Variants in LUC7L observed in about 807,000 individuals in gnomAD.
LUC7L encodes LUC7 like.
A neutral mutation model predicts 51.1 loss-of-function variants in LUC7L; 29 were observed. The observed-to-expected ratio is 0.57, with a 90% CI of 0.42 to 0.77. The LOEUF is 0.77. Among genes scored for constraint, LUC7L ranks in the 30% least tolerant of loss-of-function variants. The pLI is 0.00. For synonymous variants in LUC7L, 181 were observed against 180.7 expected, an observed-to-expected ratio of 1.00 and a Z score of -0.01; for missense variants, 403 against 511.9, an observed-to-expected ratio of 0.79 and a Z score of 2.05.
At chr16:200,287 G>A (rs890144779) in intron 5 of LUC7L, among the ~76,000 whole-genome samples, 3 of 152,104 alleles carry the variant, frequency 2.0e-5, no homozygotes, top group African/African-American at 7.2e-5. Flanking sequence ...AGCTGGGCGT[G>A]GTGGCGGGCG....
chr16:200,254 C>T (rs1567177184), intron 5 of LUC7L, among the ~76,000 whole-genome samples: 1 of 151,818 alleles, frequency 6.6e-6, no homozygotes, highest in Admixed American at 6.6e-5. Flanking sequence ...AACCCCGTCT[C>T]TACTAAAAAA....
rs544847819 is a variant in LUC7L, at chr16:227,159, C to T, written c.156+83G>A. On this transcript the variant is annotated intron_variant, in intron 2 of 9. Transcript: ENST00000293872. ...AGAGAAAAAGAGACTTAAGTTAAAA[C>T]AAAATTCAACATAGAAAAACCGTCA... The T allele has an allele frequency of 8.2e-5, 95 of 1,162,568 alleles. No individual in the cohort carries two copies. The African/African-American group carries it at 1.4e-3, about 17-fold the overall frequency. The allele number at this position is 1,162,568 out of a possible 1,614,324, so 72.0% of individuals were successfully genotyped here.
chr16:223,937 C>G (rs188580257), intron 2 of LUC7L, among the ~76,000 whole-genome samples: 12 of 152,008 alleles, frequency 7.9e-5, no homozygotes, highest in African/African-American at 1.9e-4. Flanking sequence ...CTCCTCCTCC[C>G]GAAGTGCTGG....
chr16:227,635 C>G, intron 1 of LUC7L: 4 of 1,176,862 alleles, frequency 3.4e-6, no homozygotes, highest in Non-Finnish European at 3.2e-6. Flanking sequence ...TCCACATATA[C>G]ATGTGGCAAT....
intron 5 of LUC7L, among the ~76,000 whole-genome samples, chr16:200,089 G>C (rs1312427269): frequency 6.6e-6 from 1 of 151,840 alleles, no homozygotes; most frequent in Non-Finnish European, 1.5e-5. Flanking sequence ...AGGAGTTCAA[G>C]ACGAGCCTGG....
intron 3 of LUC7L, among the ~76,000 whole-genome samples, chr16:210,834 G>A (rs1300985107): frequency 2.7e-5 from 4 of 150,804 alleles, no homozygotes; most frequent in Admixed American, 6.6e-5. Flanking sequence ...GGCGGATCAC[G>A]GGGTCAGGAG....
chr16:204,289 A>G (rs546271473), intron 5 of LUC7L, among the ~76,000 whole-genome samples: 2,513 of 137,498 alleles, frequency 0.018, 35 homozygotes, highest in Middle Eastern at 0.039. Context: ...ACTAGAAATG[A>G]AAAAAAAAAA....
rs1301165029 is a variant in LUC7L at position 196,939 on chromosome 16, G to A, written c.687+2123C>T. Among the ~76,000 whole-genome samples the A allele has an allele frequency of 1.4e-4, 17 of 122,164 alleles. No individual in the cohort carries two copies. The East Asian group carries it at 4.1e-3, about 29-fold the overall frequency. The allele number at this position is 122,164 out of a possible 152,430, so 80.1% of individuals were successfully genotyped here. A position where few individuals can be genotyped will look rare whatever the true frequency, so the allele number is the denominator to read the frequency against. ...TTTTTTTTTTTTGAGACAGAGTCTCGCTCTGTCGCCCAGGCTGGAGTGCAG... is the reference window on the plus strand; with the variant it reads ...TTTTTTTTTTTTGAGACAGAGTCTCACTCTGTCGCCCAGGCTGGAGTGCAG... On this transcript the variant is annotated intron_variant, in intron 6 of 9. Transcript: ENST00000293872.
chr16:222,574 G>A (rs2050003108), intron 2 of LUC7L, among the ~76,000 whole-genome samples: 1 of 151,982 alleles, frequency 6.6e-6, no homozygotes, highest in South Asian at 2.1e-4. Flanking sequence ...GGAGGTCAAG[G>A]CTTCAAGTGA....
intron 9 of LUC7L, chr16:189,701 G>C: frequency 7.4e-7 from 1 of 1,354,382 alleles, no homozygotes; most frequent in Non-Finnish European, 9.5e-7. Context: ...ACAAGTCTCA[G>C]CCACTCTGAG....
chr16:190,262 T>A, intron 8 of LUC7L, 127 bp from the exon 9 acceptor site: 1 of 894,936 alleles, frequency 1.1e-6, no homozygotes, highest in Non-Finnish European at 1.7e-6. Flanking sequence ...AATTTAGGTT[T>A]AAAATATTTC....
intron 6 of LUC7L, among the ~76,000 whole-genome samples, chr16:193,574 G>A (rs1405725846): frequency 6.6e-6 from 1 of 152,028 alleles, no homozygotes; most frequent in African/African-American, 2.4e-5. Context: ...TTTGCTCACT[G>A]AAGCCTCTGC....
intron 2 of LUC7L, among the ~76,000 whole-genome samples, chr16:224,168 A>G (rs2050057020): frequency 6.6e-6 from 1 of 152,224 alleles, no homozygotes; most frequent in Non-Finnish European, 1.5e-5. Flanking sequence ...CAAAGTATGA[A>G]GTACAAATTG....
intron 3 of LUC7L, chr16:209,791 T>A (rs1190115010): frequency 6.6e-6 from 1 of 152,130 alleles, no homozygotes; most frequent in Non-Finnish European, 1.5e-5. Flanking sequence ...CACAATGGAT[T>A]ACACAGACAC....
chr16:193,005 G>A lies in LUC7L; in HGVS notation c.698C>T (p.Ala233Val), dbSNP rs2049050753. ...EKLDQLRKTVAEKQEKRNQDR... is the reference protein window; with the variant it reads ...EKLDQLRKTVVEKQEKRNQDR... ...CTGATTTCTCTTCTCCTGCTTTTCA[G>A]CGACAGTTTTCTAAATAAATGAAAC... The change falls in exon 7 of 10, where the codon GCT (alanine) becomes GTT (valine). Residue 233 changes from alanine (A) to valine (V), a missense_variant. Physicochemically the swap from Ala to Val is moderately conservative, Grantham distance 64 (BLOSUM62 0). Around this residue, in one of 3 missense-constraint regions of LUC7L, gnomAD observed 206 missense variants for 218.3 expected, o/e 0.94. Transcript: ENST00000293872. 1 of 1,612,836 alleles carries A rather than the reference G, an allele frequency of 6.2e-7. No individual in the cohort carries two copies. Among genetic ancestry groups the A allele is most frequent in the African/African-American group, 1.3e-5 (1 of 75,020 alleles).
At chr16:213,817 C>T (rs1236696604) in intron 3 of LUC7L, among the ~76,000 whole-genome samples, 3 of 152,148 alleles carry the variant, frequency 2.0e-5, no homozygotes, top group African/African-American at 7.2e-5. Flanking sequence ...CAGGTTCAAG[C>T]GATTTTCCTG....
chr16:192,357 A>G (rs761168853), intron 7 of LUC7L, among the ~76,000 whole-genome samples: 1 of 152,086 alleles, frequency 6.6e-6, no homozygotes, highest in African/African-American at 2.4e-5. Context: ...ACAGGTGTCC[A>G]ATGGCCCCAT....
intron 1 of LUC7L, chr16:227,988 C>T: frequency 9.0e-7 from 1 of 1,105,970 alleles, no homozygotes; most frequent in South Asian, 2.3e-5. Context: ...ATACTGTACC[C>T]ATCTGCATTC....
chr16:214,432 G>A (rs1212853405), intron 3 of LUC7L, among the ~76,000 whole-genome samples: 2 of 152,246 alleles, frequency 1.3e-5, no homozygotes, highest in East Asian at 1.9e-4. Context: ...TATCATATAG[G>A]TTCATTATAA....
Sources: allele counts gnomAD v4.1 joint callset (sites outside exome capture counted in the v4.1 genomes callset), GRCh38; gene constraint gnomAD v4.1.1; regional missense constraint gnomAD v4.1.1; transcripts MANE v1.5; gene names NCBI Gene and HGNC (gene_info 2026-07-23, HGNC 2026-07-21).